GPM6A: variants seen among roughly 807,000 people sequenced by gnomAD.
The protein encoded by GPM6A is glycoprotein M6A, also known as neuronal membrane glycoprotein M6-a.
A neutral mutation model predicts 32.1 loss-of-function variants in GPM6A; 7 were observed. That is an observed-to-expected ratio of 0.22 (90% CI 0.12 to 0.41). The LOEUF is 0.41. Among genes scored for constraint, GPM6A ranks in the 10% least tolerant of loss-of-function variants. The probability of loss-of-function intolerance (pLI) is 1.00; values close to 1 mark genes in which losing one functional copy is unlikely to be tolerated. For synonymous variants in GPM6A, 130 were observed against 123.4 expected, an observed-to-expected ratio of 1.05 and a Z score of -0.35; for missense variants, 235 against 347.2, an observed-to-expected ratio of 0.68 and a Z score of 2.57.
At chr4:175,636,568 G>T (rs1740627942) in intron 6 of GPM6A, among the ~76,000 whole-genome samples, 2 of 150,290 alleles carry the variant, frequency 1.3e-5, no homozygotes, top group African/African-American at 4.9e-5. Context: ...GGCCAAGGCG[G>T]GTTGATCACT....
intron 2 of GPM6A, among the ~76,000 whole-genome samples, chr4:175,686,988 T>C (rs1426444270): frequency 6.6e-6 from 1 of 152,186 alleles, no homozygotes; most frequent in Admixed American, 6.5e-5. Context: ...AAACCAAACA[T>C]TCCTGAGTAA....
At chr4:175,760,182 A>C (rs1236508905) in intron 1 of GPM6A, among the ~76,000 whole-genome samples, 1 of 152,106 alleles carries the variant, frequency 6.6e-6, no homozygotes, top group African/African-American at 2.4e-5. Context: ...TCTCAACAAA[A>C]ATAATAATAA....
chr4:175,714,509 A>G (rs1745729602), intron 1 of GPM6A, among the ~76,000 whole-genome samples: 1 of 152,034 alleles, frequency 6.6e-6, no homozygotes, highest in South Asian at 2.1e-4. Flanking sequence ...TCAGCCTCCC[A>G]AAGTGTTGGG....
intron 1 of GPM6A, among the ~76,000 whole-genome samples, chr4:175,866,710 T>C (rs1396858030): frequency 6.6e-6 from 1 of 152,206 alleles, no homozygotes; most frequent in Non-Finnish European, 1.5e-5. Flanking sequence ...AAATTAAGGA[T>C]AAAGCTGCTA....
At chr4:175,932,613 A>C (rs1217355964) in intron 1 of GPM6A, among the ~76,000 whole-genome samples, 1 of 152,230 alleles carries the variant, frequency 6.6e-6, no homozygotes, top group Non-Finnish European at 1.5e-5. Context: ...TTGGTGGTTT[A>C]AAACAAAAAT....
chr4:175,677,375 G>T lies in GPM6A; in HGVS notation c.231-3539C>A, dbSNP rs148596005. Among the ~76,000 whole-genome samples the T allele has an allele frequency of 2.3e-3, 353 of 152,100 alleles. 1 individual carries two copies. The highest frequency in any genetic ancestry group is 8.2e-3 in the African/African-American group (342 of 41,516). ...AAATAGGTTTTCTCTACTTTTCTAT[G>T]TGCTAACACATAAACAAAAAAGGCT... On this transcript the variant is annotated intron_variant, in intron 2 of 6. Coordinates refer to ENST00000393658, the MANE Select transcript of GPM6A (RefSeq NM_201591.3).
At chr4:175,789,794 TG>T (rs986159777) in intron 1 of GPM6A, among the ~76,000 whole-genome samples, 5 of 152,192 alleles carry the variant, frequency 3.3e-5, no homozygotes, top group African/African-American at 1.2e-4. Context: ...TCCCTAAATT[TG>T]GCTATGGCAG....
chr4:175,966,226 G>T (rs1047861966), intron 1 of GPM6A, among the ~76,000 whole-genome samples: 4 of 151,666 alleles, frequency 2.6e-5, no homozygotes, highest in African/African-American at 9.7e-5. Context: ...ATATGGTGAA[G>T]TTCTGTCTCT....
intron 1 of GPM6A, among the ~76,000 whole-genome samples, chr4:175,917,882 T>C (rs1738545469): frequency 2.6e-5 from 4 of 152,266 alleles, no homozygotes; most frequent in Admixed American, 6.5e-5. Flanking sequence ...TAAGAGATTA[T>C]ATACTATTAT....
chr4:175,999,946 T>C (rs1035455086), intron 1 of GPM6A, among the ~76,000 whole-genome samples: 6 of 152,174 alleles, frequency 3.9e-5, no homozygotes, highest in Admixed American at 6.5e-5. Context: ...AGGAGAGATA[T>C]GGCCTTAAGT....
intron 1 of GPM6A, among the ~76,000 whole-genome samples, chr4:175,707,532 A>G (rs1745266733): frequency 6.6e-6 from 1 of 152,194 alleles, no homozygotes; most frequent in Non-Finnish European, 1.5e-5. Context: ...TTTTATCCAC[A>G]AACTTTAAAA....
chr4:175,803,444 C>T (rs952498991), intron 1 of GPM6A, among the ~76,000 whole-genome samples: 1 of 152,024 alleles, frequency 6.6e-6, no homozygotes, highest in Non-Finnish European at 1.5e-5. Context: ...AGGAAAATTG[C>T]TTGGTCACCT....
intron 4 of GPM6A, among the ~76,000 whole-genome samples, chr4:175,649,761 C>A (rs1741673479): frequency 6.6e-6 from 1 of 152,106 alleles, no homozygotes; most frequent in African/African-American, 2.4e-5. Flanking sequence ...CTTAGTTAAA[C>A]CTGAATTTCA....
At chr4:175,953,485 G>A (rs1739885239) in intron 1 of GPM6A, among the ~76,000 whole-genome samples, 1 of 152,182 alleles carries the variant, frequency 6.6e-6, no homozygotes, top group Non-Finnish European at 1.5e-5. Context: ...GTATGGCAGG[G>A]ATTTAATTGA....
At chr4:175,826,927 C>T (rs1027409) in intron 1 of GPM6A, among the ~76,000 whole-genome samples, 147,204 of 152,280 alleles carry the variant, frequency 0.97, 71,364 homozygotes, top group East Asian at 1. Flanking sequence ...TACACGACTT[C>T]AGGCGAAGAT....
chr4:175,684,523 G>C (rs1743866523), intron 2 of GPM6A, among the ~76,000 whole-genome samples: 1 of 151,936 alleles, frequency 6.6e-6, no homozygotes, highest in Non-Finnish European at 1.5e-5. Context: ...GATAAAATCA[G>C]ATAAATTAGA....
intron 1 of GPM6A, among the ~76,000 whole-genome samples, chr4:175,750,506 T>C (rs1026999992): frequency 6.6e-6 from 1 of 151,922 alleles, no homozygotes; most frequent in Non-Finnish European, 1.5e-5. Context: ...AAAGTTAACA[T>C]GGTAACATGG....
At chr4:175,977,057 T>C (rs972180741) in intron 1 of GPM6A, among the ~76,000 whole-genome samples, 1 of 152,156 alleles carries the variant, frequency 6.6e-6, no homozygotes, top group Non-Finnish European at 1.5e-5. Context: ...CTCATTCAAA[T>C]AAGGTCAAAA....
intron 1 of GPM6A, among the ~76,000 whole-genome samples, chr4:175,729,909 AAT>A (rs201172135): frequency 3.4e-5 from 5 of 146,750 alleles, no homozygotes; most frequent in South Asian, 2.1e-4. Context: ...GTATTCAAAT[AAT>A]ATATATATTA....
Sources: gnomAD v4.1 joint callset for allele counts (sites outside exome capture counted in the v4.1 genomes callset) on GRCh38, gnomAD v4.1.1 for gene constraint, MANE v1.5 for transcripts, NCBI Gene and HGNC (gene_info 2026-07-23, HGNC 2026-07-21) for gene names.